The following FKBP9 variants were observed in gnomAD, a reference collection of about 807,000 sequenced individuals.
FKBP9 encodes peptidyl-prolyl cis-trans isomerase FKBP9.
In FKBP9, 27 loss-of-function variants were observed where a neutral mutation model predicts 55.6. That is an observed-to-expected ratio of 0.49 (90% CI 0.36 to 0.67). FKBP9 has a LOEUF of 0.67. Among genes scored for constraint, FKBP9 ranks in the 30% least tolerant of loss-of-function variants. FKBP9 has a pLI of 0.00. For missense variants in FKBP9, 539 were observed against 742.8 expected (o/e 0.73, Z 3.19); for synonymous variants, 267 against 296.5 (o/e 0.90, Z 1.02).
At chr7:32,960,662 G>A (rs1399464132) in intron 1 of FKBP9, among the ~76,000 whole-genome samples, 1 of 152,170 alleles carries the variant, frequency 6.6e-6, no homozygotes, top group Non-Finnish European at 1.5e-5. Flanking sequence ...AGGTAGTGTA[G>A]GGCAGTTGAA....
intron 1 of FKBP9, among the ~76,000 whole-genome samples, chr7:32,958,716 C>T (rs1221174674): frequency 6.6e-6 from 1 of 152,236 alleles, no homozygotes; most frequent in Non-Finnish European, 1.5e-5. Context: ...AGGACCGTCA[C>T]TCTGCTTTAT....
chr7:33,000,529 T>C (rs1472743101), intron 8 of FKBP9, among the ~76,000 whole-genome samples: 2 of 151,318 alleles, frequency 1.3e-5, no homozygotes, highest in Non-Finnish European at 2.9e-5. Context: ...GTGTGGGAGG[T>C]GTCCCCAGGG....
chr7:32,997,406 G>C (rs1210392064), intron 7 of FKBP9, among the ~76,000 whole-genome samples: 2 of 151,658 alleles, frequency 1.3e-5, no homozygotes, highest in Admixed American at 1.3e-4. Context: ...AGAGATGGGG[G>C]GGGTCTCACT....
intron 1 of FKBP9, among the ~76,000 whole-genome samples, chr7:32,965,884 T>TATAGAGAGAG (rs1554284369): frequency 4.5e-5 from 5 of 110,370 alleles, no homozygotes; most frequent in African/African-American, 1.5e-4. Context: ...TATATATATA[T>TATAGAGAGAG]AGAGAGAGAG....
chr7:32,970,631 A>G (rs1291927108), intron 1 of FKBP9, among the ~76,000 whole-genome samples: 1 of 147,336 alleles, frequency 6.8e-6, no homozygotes, highest in Non-Finnish European at 1.5e-5. Flanking sequence ...TCCTTTTTTA[A>G]GATTGTTCAT....
At chr7:32,969,672 C>G (rs1784216793) in intron 1 of FKBP9, among the ~76,000 whole-genome samples, 1 of 152,134 alleles carries the variant, frequency 6.6e-6, no homozygotes, top group Admixed American at 6.6e-5. Flanking sequence ...CAGTTTTGTT[C>G]TTCTTTCTCA....
At chr7:32,997,800 C>A (rs1286719960) in intron 7 of FKBP9, among the ~76,000 whole-genome samples, 1 of 152,122 alleles carries the variant, frequency 6.6e-6, no homozygotes, top group Non-Finnish European at 1.5e-5. Flanking sequence ...TGCACTGCAG[C>A]CTGAGCAACA....
chr7:32,986,566 G>T (rs1207464386), intron 5 of FKBP9, among the ~76,000 whole-genome samples: 1 of 152,246 alleles, frequency 6.6e-6, no homozygotes, highest in Non-Finnish European at 1.5e-5. Context: ...GCTCAGCGTG[G>T]GGTGCTGTTC....
In FKBP9 at chr7:32,965,826, T is replaced by TATGTGTACAC. The variant is rs1554284318; in HGVS notation, c.221+8034_221+8035insGTGTACACAT. 3.0e-3 allele frequency among the ~76,000 whole-genome samples: 100 copies of TATGTGTACAC among 33,304 alleles called. 3 individuals carry two copies. The highest frequency in any genetic ancestry group is 0.011 in the African/African-American group (96 of 8,426). 21.8% of individuals were successfully genotyped at this position (33,304 alleles called of 152,430 possible). A position where few individuals can be genotyped will look rare whatever the true frequency, so the allele number is the denominator to read the frequency against. On this transcript the variant is annotated intron_variant, in intron 1 of 9. Transcript: ENST00000242209. ...AAAAAAAAAAAAATATATATATATATATATATATATATATATATGTGTGTA... is the reference window on the plus strand; with the variant it reads ...AAAAAAAAAAAAATATATATATATATATGTGTACACATATATATATATATATATGTGTGTA...
intron 6 of FKBP9, among the ~76,000 whole-genome samples, chr7:32,990,362 A>T (rs1253672662): frequency 1.3e-5 from 2 of 152,138 alleles, no homozygotes; most frequent in African/African-American, 2.4e-5. Flanking sequence ...ATGGAAACAC[A>T]TTCTCCCCGG....
chr7:32,981,332 G>A (rs1422574966), intron 5 of FKBP9, among the ~76,000 whole-genome samples: 1 of 152,194 alleles, frequency 6.6e-6, no homozygotes, highest in Admixed American at 6.5e-5. Context: ...GCACTGGTTG[G>A]ATGCATTCAG....
chr7:32,974,155 C>T (rs1784310768), intron 1 of FKBP9, among the ~76,000 whole-genome samples: 2 of 151,366 alleles, frequency 1.3e-5, no homozygotes, highest in African/African-American at 2.4e-5. Flanking sequence ...AGGCATGCAC[C>T]ACCACACCTG....
At chr7:32,963,599 G>A in intron 1 of FKBP9, 2 of 1,446,550 alleles carry the variant, frequency 1.4e-6, no homozygotes, top group African/African-American at 1.4e-5. Context: ...TCAAGTCAGG[G>A]TTGGGGTGAA....
intron 5 of FKBP9, among the ~76,000 whole-genome samples, chr7:32,986,479 C>T (rs527826730): frequency 1.3e-5 from 2 of 152,146 alleles, no homozygotes; most frequent in Non-Finnish European, 2.9e-5. Flanking sequence ...TGCTGGGAGC[C>T]GACACGGTCC....
chr7:33,003,870 A>T (rs1348895009), intron 9 of FKBP9, among the ~76,000 whole-genome samples: 1 of 152,014 alleles, frequency 6.6e-6, no homozygotes, highest in Non-Finnish European at 1.5e-5. Context: ...CCATATCCTG[A>T]TGGCGTCTGG....
intron 4 of FKBP9, 30 bp downstream of exon 4, chr7:32,976,529 T>C (rs765037157): frequency 1.5e-5 from 23 of 1,560,716 alleles, no homozygotes; most frequent in Non-Finnish European, 2.0e-5. Context: ...GGAGCCACTC[T>C]TTCCTACCCT....
intron 1 of FKBP9, among the ~76,000 whole-genome samples, chr7:32,965,863 A>ATG (rs1710270377): frequency 2.2e-5 from 1 of 45,618 alleles, no homozygotes; most frequent in South Asian, 9.8e-4. Context: ...AGATATATAT[A>ATG]TATACATACA....
Position 32,992,339 on chromosome 7 carries a change from G to A in FKBP9, c.1039+3687G>A, listed in dbSNP as rs953632756. ...TCTCTGCAGAGGAAACCCACCCCCC[G>A]CAGAGGAAACCCACCCACCGCAGAG... On this transcript the variant is annotated intron_variant, in intron 6 of 9. Transcript: ENST00000242209. Among the ~76,000 whole-genome samples, 220 of 93,788 alleles carry A rather than the reference G, an allele frequency of 2.3e-3. 2 individuals are homozygous for A. The highest frequency in any genetic ancestry group is 8.6e-3 in the African/African-American group (208 of 24,162). The allele number at this position is 93,788 out of a possible 152,430, so 61.5% of individuals were successfully genotyped here. A position where few individuals can be genotyped will look rare whatever the true frequency, so the allele number is the denominator to read the frequency against.
rs1255911227 is a variant in FKBP9, at chr7:33,006,486, T to A, written c.*1135T>A. 1.5e-5 allele frequency: 3 copies of A among 201,354 alleles called. No homozygotes were observed. The highest frequency in any genetic ancestry group is 2.0e-5 in the Non-Finnish European group (2 of 97,816). 12.5% of individuals were successfully genotyped at this position (201,354 alleles called of 1,614,324 possible). On this transcript the variant is annotated 3_prime_UTR_variant, in exon 10 of 10. Transcript: ENST00000242209. ...TTTTATCTTCCCTGAACCATATTGA[T>A]GAGATAAATAGGGCTGGGGGCTGGG...
Sources: gnomAD v4.1 joint callset for allele counts (sites outside exome capture counted in the v4.1 genomes callset) on GRCh38, gnomAD v4.1.1 for gene constraint, MANE v1.5 for transcripts, NCBI Gene and HGNC (gene_info 2026-07-23, HGNC 2026-07-21) for gene names.